The following SPECC1L variants were observed in gnomAD, a reference collection of about 807,000 sequenced individuals.
SPECC1L encodes the protein cytospin-A.
In SPECC1L, 40 loss-of-function variants were observed where a neutral mutation model predicts 116.8. The observed-to-expected ratio is 0.34, with a 90% CI of 0.27 to 0.45. The LOEUF is 0.45. Among genes scored for constraint, SPECC1L ranks in the 20% least tolerant of loss-of-function variants. The probability of loss-of-function intolerance (pLI) is 1.00; values close to 1 mark genes in which losing one functional copy is unlikely to be tolerated. For synonymous variants in SPECC1L, 504 were observed against 500.6 expected, an observed-to-expected ratio of 1.01 and a Z score of -0.09; for missense variants, 1,110 against 1,373.6, an observed-to-expected ratio of 0.81 and a Z score of 3.03.
At chr22:24,404,236 G>A (rs1419827527) in intron 14 of SPECC1L, among the ~76,000 whole-genome samples, 4 of 152,134 alleles carry the variant, frequency 2.6e-5, no homozygotes, top group African/African-American at 9.7e-5. Context: ...TGGATCCGAG[G>A]CCTCCTTCTT....
At chr22:24,292,725 GACATT>G (rs2064776372) in intron 2 of SPECC1L, among the ~76,000 whole-genome samples, 1 of 152,084 alleles carries the variant, frequency 6.6e-6, no homozygotes, top group Non-Finnish European at 1.5e-5. Context: ...TGAATTATCT[GACATT>G]ACAAGAGTCA....
chr22:24,378,595 C>G (rs1046332142), intron 14 of SPECC1L, among the ~76,000 whole-genome samples: 2 of 152,178 alleles, frequency 1.3e-5, no homozygotes, highest in African/African-American at 4.8e-5. Flanking sequence ...GCGAGTCTTC[C>G]TTTTACTTGA....
At chr22:24,387,331 G>A (rs2042179766) in intron 14 of SPECC1L, among the ~76,000 whole-genome samples, 1 of 152,210 alleles carries the variant, frequency 6.6e-6, no homozygotes, top group Admixed American at 6.5e-5. Flanking sequence ...CCATTTAAAT[G>A]AAGCCAAAAC....
intron 12 of SPECC1L, among the ~76,000 whole-genome samples, chr22:24,364,251 A>G (rs1320292971): frequency 6.6e-6 from 1 of 152,232 alleles, no homozygotes; most frequent in Non-Finnish European, 1.5e-5. Context: ...CTAATGAGGT[A>G]GTACAGTGGC....
At chr22:24,354,396 A>G (rs1167055563) in intron 11 of SPECC1L, among the ~76,000 whole-genome samples, 1 of 151,986 alleles carries the variant, frequency 6.6e-6, no homozygotes, top group Non-Finnish European at 1.5e-5. Context: ...ATTTATATGT[A>G]TTATTCTATT....
At chr22:24,342,258 A>G (rs959366274) in intron 10 of SPECC1L, among the ~76,000 whole-genome samples, 1 of 152,250 alleles carries the variant, frequency 6.6e-6, no homozygotes, top group Non-Finnish European at 1.5e-5. Context: ...CAGTCAATAG[A>G]TGCAGACCTA....
intron 3 of SPECC1L, 28 bp downstream of exon 3, chr22:24,302,412 T>G: frequency 2.5e-6 from 4 of 1,613,110 alleles, no homozygotes; most frequent in Non-Finnish European, 3.4e-6. Flanking sequence ...GAATACATGA[T>G]GGGTTTTTGG....
chr22:24,281,990 CAG>C (rs1569401862), intron 2 of SPECC1L, among the ~76,000 whole-genome samples: 2 of 152,148 alleles, frequency 1.3e-5, no homozygotes, highest in Non-Finnish European at 1.5e-5. Flanking sequence ...ATTTGAGGAG[CAG>C]AGTTTTTAAG....
At chr22:24,393,461 A>G (rs940800856) in intron 14 of SPECC1L, among the ~76,000 whole-genome samples, 6 of 152,174 alleles carry the variant, frequency 3.9e-5, no homozygotes, top group Non-Finnish European at 8.8e-5. Context: ...ACACAAGATG[A>G]CTTTCTGCCA....
intron 4 of SPECC1L, among the ~76,000 whole-genome samples, chr22:24,315,816 G>A (rs2040551481): frequency 6.6e-6 from 1 of 152,202 alleles, no homozygotes; most frequent in African/African-American, 2.4e-5. Context: ...TCTGAAATGA[G>A]GGTGTTAGCA....
At chr22:24,371,420 C>A (rs5760370) in intron 14 of SPECC1L, among the ~76,000 whole-genome samples, 1 of 152,268 alleles carries the variant, frequency 6.6e-6, no homozygotes, top group Admixed American at 6.5e-5. Context: ...TGAGACCAGC[C>A]TGGGCAGCAT....
At chr22:24,364,854 T>C (rs944364579) in intron 12 of SPECC1L, among the ~76,000 whole-genome samples, 1 of 152,154 alleles carries the variant, frequency 6.6e-6, no homozygotes, top group Non-Finnish European at 1.5e-5. Context: ...TTTTTAGTTA[T>C]ATTTGTAATT....
In SPECC1L at chr22:24,322,234, G is replaced by T; in HGVS notation, c.1254G>T (p.Leu418=). The T allele has an allele frequency of 6.2e-7, 1 of 1,614,192 alleles. No homozygotes were observed. Reference sequence around the variant, plus strand: ...CAAGTGAGGAACTCCAGGCAACCCTGCAAGAGCTAGCTGATTTACAGCAGA... The same window carrying T: ...CAAGTGAGGAACTCCAGGCAACCCTTCAAGAGCTAGCTGATTTACAGCAGA... ...HSTSEELQAT[L]QELADLQQIT... Residue 418 remains leucine, a synonymous_variant, in exon 5 of 17, where the codon CTG becomes CTT. Transcript: ENST00000314328.
chr22:24,327,712 G>A (rs2040858797), intron 6 of SPECC1L, among the ~76,000 whole-genome samples: 1 of 151,862 alleles, frequency 6.6e-6, no homozygotes, highest in Non-Finnish European at 1.5e-5. Flanking sequence ...GCTACCATTA[G>A]CTGGCACATT....
At chr22:24,388,758 A>G (rs1028401428) in intron 14 of SPECC1L, among the ~76,000 whole-genome samples, 57 of 149,574 alleles carry the variant, frequency 3.8e-4, no homozygotes, top group African/African-American at 1.4e-3. Flanking sequence ...TAAGACATCA[A>G]CAGCTTATGG....
At position 24,322,721 on chromosome 22, in the gene SPECC1L, G is replaced by T. The variant is rs2040745750; in HGVS notation, c.1741G>T (p.Ala581Ser). ...CCAGATAGAGATGAATCGCCTGAAG[G>T]CTCAGCTGGAGAATGAAAAGCAGAA... is the stretch of plus-strand genomic sequence containing the variant. ...SDQIEMNRLK[A>S]QLENEKQKVA... Residue 581 changes from alanine to serine, a missense_variant, in exon 5 of 17, where the codon GCT becomes TCT. Physicochemically the swap from Ala to Ser is moderately conservative, Grantham distance 99 (BLOSUM62 1). Coordinates refer to ENST00000314328, the MANE Select transcript of SPECC1L (RefSeq NM_015330.6). The T allele has an allele frequency of 6.3e-7, 1 of 1,590,856 alleles. No individual in the cohort carries two copies. Among genetic ancestry groups the T allele is most frequent in the African/African-American group, 1.4e-5 (1 of 73,656 alleles).
chr22:24,354,470 C>A (rs890458382), intron 11 of SPECC1L, among the ~76,000 whole-genome samples: 22 of 152,088 alleles, frequency 1.4e-4, no homozygotes, highest in African/African-American at 5.1e-4. Context: ...TAATCTACTA[C>A]CATTTTTATT....
intron 11 of SPECC1L, among the ~76,000 whole-genome samples, chr22:24,348,223 C>T (rs2041344252): frequency 6.6e-6 from 1 of 152,160 alleles, no homozygotes; most frequent in South Asian, 2.1e-4. Flanking sequence ...AGGCCAGTTA[C>T]TTCCATGCGT....
chr22:24,375,978 A>ATC (rs2041964267), intron 14 of SPECC1L, among the ~76,000 whole-genome samples: 1 of 151,976 alleles, frequency 6.6e-6, no homozygotes, highest in African/African-American at 2.4e-5. Flanking sequence ...AACAAAAAAA[A>ATC]CAAAAAAAAC....
Sources: gnomAD v4.1 joint callset for allele counts (sites outside exome capture counted in the v4.1 genomes callset) on GRCh38, gnomAD v4.1.1 for gene constraint, MANE v1.5 for transcripts, NCBI Gene and HGNC (gene_info 2026-07-23, HGNC 2026-07-21) for gene names.